The following PDLIM2 variants were observed in gnomAD, a reference collection of about 807,000 sequenced individuals.
The protein encoded by PDLIM2 is PDZ and LIM domain protein 2.
In PDLIM2, 51 loss-of-function variants were observed where a neutral mutation model predicts 54.1. That is an observed-to-expected ratio of 0.94 (90% CI 0.75 to 1.19). The LOEUF is 1.19. PDLIM2 is among the 50% of genes most tolerant of loss of function. The pLI, the probability that PDLIM2 is intolerant of heterozygous loss-of-function variation, is 0.00. For synonymous variants in PDLIM2, 398 were observed against 385.6 expected, an observed-to-expected ratio of 1.03 and a Z score of -0.38; for missense variants, 912 against 874.0, an observed-to-expected ratio of 1.04 and a Z score of -0.55.
rs563505228 is a variant in PDLIM2 at position 22,593,698 on chromosome 8, G to A, written c.1632-35G>A. The A allele has an allele frequency of 4.6e-6, 7 of 1,537,678 alleles. No homozygotes were observed. The East Asian group carries it at 1.2e-4, about 26-fold the overall frequency. Reference sequence around the variant, plus strand: ...GCATGGTGGCCTCCTGCTTGGTGCTGTGGCTCTGAGCTAAAGCCTCTCCCT... The same window carrying A: ...GCATGGTGGCCTCCTGCTTGGTGCTATGGCTCTGAGCTAAAGCCTCTCCCT... On this transcript the variant is annotated intron_variant, in intron 9 of 9. Transcript: ENST00000308354.
downstream of PDLIM2, chr8:22,594,427 G>C: frequency 1.3e-6 from 2 of 1,591,618 alleles, no homozygotes; most frequent in South Asian, 1.1e-5. Context: ...TCCCACCCCT[G>C]CCAGTTGCCT....
At chr8:22,592,077 C>CTTTTCTTTTTT (rs143613807) in intron 9 of PDLIM2, 1 of 95,188 alleles carries the variant, frequency 1.1e-5, no homozygotes, top group African/African-American at 4.9e-5. Flanking sequence ...TCTTTCTTTT[C>CTTTTCTTTTTT]TTTTTTTTTT....
At chr8:22,579,411 C>G (rs1472383440) in exon 1 of PDLIM2, 1 of 1,512,620 alleles carries the variant, frequency 6.6e-7, no homozygotes, top group Non-Finnish European at 8.8e-7. Flanking sequence ...CAGCCCCCAG[C>G]CCGCAGGGTA....
At chr8:22,580,294 C>T (rs1800150168) in intron 1 of PDLIM2, 181 bp from the exon 1 acceptor site, 3 of 436,828 alleles carry the variant, frequency 6.9e-6, no homozygotes, top group Non-Finnish European at 1.2e-5. Flanking sequence ...ACTTGCCAGC[C>T]CCTGCCCCCC....
intron 6 of PDLIM2, chr8:22,587,814 C>T (rs2117356675): frequency 6.6e-6 from 1 of 152,468 alleles, no homozygotes; most frequent in East Asian, 1.9e-4. Flanking sequence ...GTCCTTGTGG[C>T]CTCCTGACAT....
chr8:22,581,902 G>T (rs1800215513), intron 3 of PDLIM2, among the ~76,000 whole-genome samples: 1 of 152,252 alleles, frequency 6.6e-6, no homozygotes, highest in Admixed American at 6.5e-5. Context: ...GCCCGAGGCT[G>T]CATCCCCAGG....
At chr8:22,579,204 G>C in exon 1 of PDLIM2, 4 of 1,386,620 alleles carry the variant, frequency 2.9e-6, no homozygotes, top group Non-Finnish European at 3.7e-6. Context: ...GCGCCCAGCC[G>C]GACAGGTGAG....
At chr8:22,585,072 G>A in exon 5 of PDLIM2, 1 of 1,614,008 alleles carries the variant, frequency 6.2e-7, no homozygotes, top group East Asian at 2.2e-5. Flanking sequence ...TCCTACTCCA[G>A]CCCAACCTCC....
intron 6 of PDLIM2, chr8:22,587,978 G>A (rs1416164386): frequency 1.3e-5 from 2 of 152,348 alleles, no homozygotes; most frequent in Non-Finnish European, 2.9e-5. Flanking sequence ...CTTGCCTCAT[G>A]AAGGGATCCC....
chr8:22,580,668 G>A (rs1800166270), exon 2 of PDLIM2: 1 of 1,614,092 alleles, frequency 6.2e-7, no homozygotes, highest in South Asian at 1.1e-5. Flanking sequence ...AGGGGGCAGG[G>A]ATTTCCACAC....
chr8:22,594,261 T>TA, exon 10 of PDLIM2: 1 of 1,393,600 alleles, frequency 7.2e-7, no homozygotes, highest in Non-Finnish European at 9.3e-7. Flanking sequence ...GTTTTTGACA[T>TA]ACTAGCTCTA....
intron 6 of PDLIM2, chr8:22,589,021 T>C: frequency 1.8e-6 from 1 of 563,084 alleles, no homozygotes; most frequent in Non-Finnish European, 3.2e-6. Context: ...GCCTTCCTGC[T>C]GCCCGGTCCC....
At chr8:22,579,165 T>C in exon 1 of PDLIM2, 1 of 1,343,914 alleles carries the variant, frequency 7.4e-7, no homozygotes, top group South Asian at 1.9e-5. Context: ...CGGTGGCGTC[T>C]CCCCGCCTTC....
exon 10 of PDLIM2, chr8:22,594,211 G>C (rs1353220868): frequency 2.1e-6 from 3 of 1,399,828 alleles, no homozygotes; most frequent in South Asian, 1.6e-5. Context: ...AAGTGGGAAG[G>C]AGAGGGGTGG....
intron 3 of PDLIM2, among the ~76,000 whole-genome samples, chr8:22,584,041 G>A (rs117291915): frequency 2.0e-5 from 3 of 151,576 alleles, no homozygotes; most frequent in African/African-American, 4.8e-5. Flanking sequence ...TCACTCTGTC[G>A]CCCAGCCTGG....
chr8:22,594,694 C>A, downstream of PDLIM2: 1 of 1,575,088 alleles, frequency 6.3e-7, no homozygotes, highest in South Asian at 1.2e-5. Flanking sequence ...AAGGGTTGGG[C>A]CCCCGGGGCC....
At chr8:22,580,609 C>T (rs368481583) in exon 2 of PDLIM2, 51 of 1,613,850 alleles carry the variant, frequency 3.2e-5, no homozygotes, top group Middle Eastern at 3.3e-4. Flanking sequence ...TCAGGTATGG[C>T]GTTGACGGTG....
At chr8:22,581,579 A>AC (rs1800208377) in intron 3 of PDLIM2, 49 bp downstream of exon 2, 1 of 1,523,378 alleles carries the variant, frequency 6.6e-7, no homozygotes, top group South Asian at 1.3e-5. Context: ...CTCCTCCACC[A>AC]CCCCACGTAT....
At chr8:22,589,005 C>T (rs1322215233) in intron 6 of PDLIM2, 2 of 552,034 alleles carry the variant, frequency 3.6e-6, no homozygotes, top group Non-Finnish European at 6.4e-6. Flanking sequence ...TTAGCTGTCA[C>T]CTGCTGCCTT....
Sources: gnomAD v4.1 joint callset for allele counts (sites outside exome capture counted in the v4.1 genomes callset) on GRCh38, gnomAD v4.1.1 for gene constraint, MANE v1.5 for transcripts, NCBI Gene and HGNC (gene_info 2026-07-23, HGNC 2026-07-21) for gene names.